The following PTPRD variants were observed in gnomAD, a reference collection of about 807,000 sequenced individuals.
PTPRD encodes receptor-type tyrosine-protein phosphatase delta.
A neutral mutation model predicts 214.5 loss-of-function variants in PTPRD; 34 were observed. That is an observed-to-expected ratio of 0.16 (90% CI 0.12 to 0.21). The LOEUF (loss-of-function observed/expected upper bound fraction) is 0.21. PTPRD is among the 10% of genes least tolerant of loss of function. The pLI is 1.00. For missense variants in PTPRD, 2,545 were observed against 2,398.7 expected, an observed-to-expected ratio of 1.06 and a Z score of -1.27; for synonymous variants, 1,128 against 845.7, an observed-to-expected ratio of 1.33 and a Z score of -5.79.
intron 11 of PTPRD, among the ~76,000 whole-genome samples, chr9:8,922,807 C>T (rs372763739): frequency 2.5e-4 from 37 of 149,826 alleles, no homozygotes; most frequent in Admixed American, 1.2e-3. Context: ...CCATCACGCC[C>T]GGCTAATTTT....
rs115756615 is a variant in PTPRD, at chr9:10,280,573, C to G, written c.-545+60390G>C. On this transcript the variant is annotated intron_variant, in intron 3 of 45. Coordinates refer to ENST00000381196, the MANE Select transcript of PTPRD (RefSeq NM_002839.4). ...TGTTACTGGGCTCCACTCCCAGAGT[C>G]TCTGATTCAGTAAGTCTAGGATAAA... is the stretch of plus-strand genomic sequence containing the variant. Among the ~76,000 whole-genome samples, 489 of 152,230 alleles carry G rather than the reference C, an allele frequency of 3.2e-3. 4 individuals are homozygous for G. The highest frequency in any genetic ancestry group is 0.011 in the African/African-American group (457 of 41,522).
chr9:10,249,342 C>T (rs1478968957), intron 3 of PTPRD, among the ~76,000 whole-genome samples: 1 of 152,018 alleles, frequency 6.6e-6, no homozygotes, highest in African/African-American at 2.4e-5. Context: ...GATTTTTTTC[C>T]ATGAGTAACA....
intron 39 of PTPRD, among the ~76,000 whole-genome samples, chr9:8,362,537 A>G (rs981486892): frequency 6.6e-6 from 1 of 152,210 alleles, no homozygotes; most frequent in Admixed American, 6.5e-5. Flanking sequence ...CCTCTGCCCA[A>G]TTGATTAGAA....
intron 11 of PTPRD, among the ~76,000 whole-genome samples, chr9:8,756,140 C>A (rs956154): frequency 0.68 from 103,529 of 152,010 alleles, 35,263 homozygotes; most frequent in Middle Eastern, 0.76. Context: ...ACAAAGGAAC[C>A]GAGACAGTCA....
At chr9:10,026,404 C>T (rs2096924236) in intron 4 of PTPRD, among the ~76,000 whole-genome samples, 2 of 152,120 alleles carry the variant, frequency 1.3e-5, no homozygotes, top group South Asian at 4.1e-4. Flanking sequence ...TTTAAAAGAT[C>T]TGAAATGATT....
chr9:8,491,703 A>T (rs1410507795), intron 27 of PTPRD, among the ~76,000 whole-genome samples: 1 of 149,780 alleles, frequency 6.7e-6, no homozygotes, highest in Non-Finnish European at 1.5e-5. Context: ...GCCTTGAAGG[A>T]GTTTTGCCAT....
chr9:10,202,543 A>G (rs1201000138), intron 3 of PTPRD, among the ~76,000 whole-genome samples: 1 of 147,438 alleles, frequency 6.8e-6, no homozygotes, highest in Non-Finnish European at 1.5e-5. Flanking sequence ...TCTTTTTTCA[A>G]CATGTGCATT....
At chr9:9,135,052 A>T (rs2099848793) in intron 10 of PTPRD, among the ~76,000 whole-genome samples, 1 of 152,162 alleles carries the variant, frequency 6.6e-6, no homozygotes, top group African/African-American at 2.4e-5. Flanking sequence ...GAATTTCATT[A>T]ATTTGAGATC....
At chr9:8,841,355 C>A (rs1173974641) in intron 11 of PTPRD, among the ~76,000 whole-genome samples, 1 of 152,196 alleles carries the variant, frequency 6.6e-6, no homozygotes, top group Non-Finnish European at 1.5e-5. Context: ...TGTCACCAAG[C>A]ATAGGCACTT....
intron 3 of PTPRD, among the ~76,000 whole-genome samples, chr9:10,103,398 T>C (rs1324509484): frequency 2.1e-5 from 3 of 143,144 alleles, no homozygotes; most frequent in Non-Finnish European, 3.0e-5. Flanking sequence ...TATATATTTA[T>C]TTAAGAGCAT....
At chr9:10,425,698 T>C (rs1030920387) in intron 2 of PTPRD, among the ~76,000 whole-genome samples, 1 of 151,964 alleles carries the variant, frequency 6.6e-6, no homozygotes, top group African/African-American at 2.4e-5. Flanking sequence ...TCCTTCTCAT[T>C]ACAGAACTTT....
At chr9:8,786,561 C>T (rs376949079) in intron 11 of PTPRD, among the ~76,000 whole-genome samples, 16 of 151,728 alleles carry the variant, frequency 1.1e-4, no homozygotes, top group African/African-American at 3.9e-4. Context: ...ATTACAGGCG[C>T]CCGCCACCAC....
intron 8 of PTPRD, among the ~76,000 whole-genome samples, chr9:9,521,281 G>A (rs560485015): frequency 5.9e-5 from 9 of 152,164 alleles, no homozygotes; most frequent in East Asian, 3.9e-4. Flanking sequence ...TCTCAATTTC[G>A]TGGTCTGCAT....
intron 7 of PTPRD, among the ~76,000 whole-genome samples, chr9:9,716,977 GT>G (rs2097846748): frequency 6.6e-6 from 1 of 152,124 alleles, no homozygotes; most frequent in Admixed American, 6.5e-5. Context: ...GATTTTTATG[GT>G]TTTAGATCTA....
In PTPRD at chr9:9,967,097, T is replaced by C. The variant is rs1471496754; in HGVS notation, c.-471-28487A>G. 4.6e-5 allele frequency among the ~76,000 whole-genome samples: 7 copies of C among 152,138 alleles called. No individual in the cohort carries two copies. In the East Asian group the frequency reaches 1.4e-3, roughly 29 times the overall value. Reference sequence around the variant, plus strand: ...TTCACCAGGGTAAGTCCCTGTAGTATAATGTTTCAGTCAAGTTCTGTAGTC... The same window carrying C: ...TTCACCAGGGTAAGTCCCTGTAGTACAATGTTTCAGTCAAGTTCTGTAGTC... On this transcript the variant is annotated intron_variant, in intron 4 of 45. Coordinates refer to ENST00000381196, the MANE Select transcript of PTPRD (RefSeq NM_002839.4).
At chr9:8,709,816 A>G (rs1428850296) in intron 12 of PTPRD, among the ~76,000 whole-genome samples, 1 of 152,220 alleles carries the variant, frequency 6.6e-6, no homozygotes, top group Non-Finnish European at 1.5e-5. Context: ...GAGTTATAAA[A>G]TATGTTTGGT....
chr9:9,794,201 G>GTGTA (rs151156771), intron 5 of PTPRD, among the ~76,000 whole-genome samples: 8 of 147,030 alleles, frequency 5.4e-5, no homozygotes, highest in African/African-American at 2.0e-4. Flanking sequence ...GTGTGTGTGT[G>GTGTA]TATATATATA....
intron 9 of PTPRD, among the ~76,000 whole-genome samples, chr9:9,332,384 T>C (rs774031922): frequency 2.6e-5 from 4 of 151,978 alleles, no homozygotes; most frequent in Non-Finnish European, 5.9e-5. Flanking sequence ...ACATACCTCA[T>C]AGTATATTCC....
chr9:10,147,982 T>C (rs2099035416), intron 3 of PTPRD, among the ~76,000 whole-genome samples: 1 of 152,204 alleles, frequency 6.6e-6, no homozygotes, highest in Non-Finnish European at 1.5e-5. Context: ...AAGTATATAG[T>C]TAAGGGCTTT....
Sources: allele counts gnomAD v4.1 joint callset (sites outside exome capture counted in the v4.1 genomes callset), GRCh38; gene constraint gnomAD v4.1.1; transcripts MANE v1.5; gene names NCBI Gene and HGNC (gene_info 2026-07-23, HGNC 2026-07-21).